The following PLEKHG7 variants were observed in gnomAD, a reference collection of about 807,000 sequenced individuals.
PLEKHG7 encodes pleckstrin homology and RhoGEF domain containing G7, also known as pleckstrin homology domain-containing family G member 7.
PLEKHG7 carries 77 observed loss-of-function variants against 85.2 expected under a neutral mutation model. The observed-to-expected ratio is 0.90, with a 90% CI of 0.75 to 1.09. PLEKHG7 has a LOEUF of 1.09. PLEKHG7 is among the 50% of genes least tolerant of loss of function. The pLI, the probability that PLEKHG7 is intolerant of heterozygous loss-of-function variation, is 0.00. For synonymous variants in PLEKHG7, 301 were observed against 302.4 expected (o/e 1.00, Z 0.05); for missense variants, 777 against 804.3 (o/e 0.97, Z 0.41).
Position 92,707,317 on chromosome 12 carries a change from C to G in PLEKHG7, c.507+179C>G, listed in dbSNP as rs900828632. The G allele has an allele frequency of 3.5e-6, 5 of 1,429,326 alleles. No homozygotes were observed. The African/African-American group carries it at 7.2e-5, about 21-fold the overall frequency. The allele number at this position is 1,429,326 out of a possible 1,614,324, so 88.5% of individuals were successfully genotyped here. A position where few individuals can be genotyped will look rare whatever the true frequency, so the allele number is the denominator to read the frequency against. On this transcript the variant is annotated intron_variant, in intron 2 of 16. Transcript: ENST00000344636. ...TGGCTCTTAAGTGAAAGGAGGGCAG[C>G]AATCTGGGGAGGAAAGAAAATGATC...
intron 7 of PLEKHG7, 103 bp from the exon 8 acceptor site, chr12:92,740,750 T>C (rs1872329728): frequency 1.4e-6 from 1 of 721,030 alleles, no homozygotes; most frequent in South Asian, 1.7e-5. Flanking sequence ...CTCCATTGTT[T>C]TGTAAAGTTA....
intron 10 of PLEKHG7, among the ~76,000 whole-genome samples, chr12:92,753,181 TGA>T (rs1872737782): frequency 6.6e-6 from 1 of 152,166 alleles, no homozygotes. Flanking sequence ...CAATTTGGTG[TGA>T]GTGTTCAGGG....
intron 3 of PLEKHG7, among the ~76,000 whole-genome samples, chr12:92,715,130 C>T (rs577434712): frequency 1.3e-4 from 20 of 152,298 alleles, no homozygotes; most frequent in African/African-American, 3.4e-4. Context: ...CTGCCAGCTG[C>T]GGAGCAAGGA....
At chr12:92,705,880 C>T (rs1871215094) in intron 1 of PLEKHG7, among the ~76,000 whole-genome samples, 1 of 152,124 alleles carries the variant, frequency 6.6e-6, no homozygotes. Context: ...CACCTCCAAT[C>T]ATGAACAGTA....
intron 3 of PLEKHG7, among the ~76,000 whole-genome samples, chr12:92,720,479 C>T (rs1444442715): frequency 6.6e-6 from 1 of 152,100 alleles, no homozygotes; most frequent in East Asian, 1.9e-4. Flanking sequence ...GCGTGCGCCA[C>T]CACATCGGGC....
At chr12:92,747,278 C>T (rs898463903) in intron 10 of PLEKHG7, among the ~76,000 whole-genome samples, 1 of 146,314 alleles carries the variant, frequency 6.8e-6, no homozygotes, top group Non-Finnish European at 1.5e-5. Context: ...AAAATCTCAA[C>T]ATCACTAATC....
rs1158188343 is a variant in PLEKHG7 at position 92,761,634 on chromosome 12, GAAAGA to G, written c.1637-115_1637-111del. 62 of 278,172 alleles carry G rather than the reference GAAAGA, an allele frequency of 2.2e-4. No homozygotes were observed. The East Asian group carries it at 5.5e-3, about 25-fold the overall frequency. 17.2% of individuals were successfully genotyped at this position (278,172 alleles called of 1,614,324 possible). On this transcript the variant is annotated intron_variant, in intron 13 of 16. Transcript: ENST00000344636. ...AAGAAAGAAAGAAAGAAGAAAGAAAGAAAGAAAGAAAGAAAGAAAGAAAGAAAGAA... is the reference window on the plus strand; with the variant it reads ...AAGAAAGAAAGAAAGAAGAAAGAAAGAAGAAAGAAAGAAAGAAAGAAAGAA...
At chr12:92,716,815 A>G (rs1198869311) in intron 3 of PLEKHG7, among the ~76,000 whole-genome samples, 1 of 152,228 alleles carries the variant, frequency 6.6e-6, no homozygotes, top group African/African-American at 2.4e-5. Context: ...GAGAGCAGAG[A>G]CTGCTTCTTA....
intron 10 of PLEKHG7, among the ~76,000 whole-genome samples, chr12:92,746,894 G>T (rs1029488574): frequency 2.6e-5 from 4 of 152,162 alleles, no homozygotes; most frequent in Admixed American, 2.6e-4. Context: ...ATGAATTAAA[G>T]ATTTAAGTGT....
chr12:92,738,209 C>T (rs531642534), intron 7 of PLEKHG7, among the ~76,000 whole-genome samples: 3 of 152,300 alleles, frequency 2.0e-5, no homozygotes, highest in African/African-American at 4.8e-5. Context: ...CCCCTATGGT[C>T]GCAGCCATGC....
At chr12:92,742,036 C>T (rs1014795646) in intron 9 of PLEKHG7, among the ~76,000 whole-genome samples, 2 of 152,134 alleles carry the variant, frequency 1.3e-5, no homozygotes, top group African/African-American at 4.8e-5. Flanking sequence ...ACCTGTACCC[C>T]GGGTTTGATC....
chr12:92,729,534 G>A (rs553152185), intron 4 of PLEKHG7, among the ~76,000 whole-genome samples: 3 of 151,642 alleles, frequency 2.0e-5, no homozygotes, highest in Admixed American at 6.6e-5. Context: ...CAACCAGGGT[G>A]GTACCATGGG....
At chr12:92,761,935 T>C (rs1873046797) in intron 14 of PLEKHG7, 104 bp downstream of exon 14, 1 of 1,288,672 alleles carries the variant, frequency 7.8e-7, no homozygotes. Flanking sequence ...ATTCTTAAGC[T>C]GAATCTTTTC....
chr12:92,707,095 GC>G lies in PLEKHG7; in HGVS notation c.466del (p.His156ThrfsTer33), dbSNP rs1871258834. On this transcript the variant is annotated frameshift_variant, in exon 2 of 17. Transcript: ENST00000344636. LOFTEE classifies it high-confidence loss of function. ...CAGGCCTCTCTTCGGCAGCAAGAAG[GC>G]CACTTCCTGCCCAGCCCCACCCTAC... ...LHQASLRQQEGHFLPSPTLRH... is the reference protein window; with the variant it reads ...LHQASLRQQEXHFLPSPTLRH... The G allele has an allele frequency of 1.2e-6, 2 of 1,613,900 alleles. No individual in the cohort carries two copies. Among genetic ancestry groups the G allele is most frequent in the African/African-American group, 1.3e-5 (1 of 74,904 alleles).
intron 3 of PLEKHG7, among the ~76,000 whole-genome samples, chr12:92,719,616 A>G (rs1436661810): frequency 6.6e-6 from 1 of 152,230 alleles, no homozygotes; most frequent in Non-Finnish European, 1.5e-5. Flanking sequence ...TATTCCTTTT[A>G]GACACACATA....
At chr12:92,745,632 C>G (rs1872515630) in intron 10 of PLEKHG7, 41 bp downstream of exon 10, 1 of 1,391,138 alleles carries the variant, frequency 7.2e-7, no homozygotes, top group African/African-American at 1.4e-5. Flanking sequence ...TTTGCTGATG[C>G]TTTTTGGGTG....
intron 10 of PLEKHG7, among the ~76,000 whole-genome samples, chr12:92,752,846 A>T (rs1225129446): frequency 6.6e-6 from 1 of 152,176 alleles, no homozygotes; most frequent in Non-Finnish European, 1.5e-5. Flanking sequence ...TCCTGGTGCC[A>T]GCATGGTTAG....
intron 3 of PLEKHG7, among the ~76,000 whole-genome samples, chr12:92,718,592 A>C (rs1871553527): frequency 6.6e-6 from 1 of 152,200 alleles, no homozygotes; most frequent in Non-Finnish European, 1.5e-5. Context: ...GAAAAATTGT[A>C]TGGTCCCCTT....
intron 3 of PLEKHG7, 136 bp from the exon 4 acceptor site, chr12:92,728,857 C>A: frequency 1.7e-6 from 1 of 602,114 alleles, no homozygotes; most frequent in Non-Finnish European, 2.4e-6. Flanking sequence ...ATTCACATTC[C>A]CACCAATGGA....
Sources: allele counts gnomAD v4.1 joint callset (sites outside exome capture counted in the v4.1 genomes callset), GRCh38; gene constraint gnomAD v4.1.1; transcripts MANE v1.5; gene names NCBI Gene and HGNC (gene_info 2026-07-23, HGNC 2026-07-21).